RFX7: variants seen among roughly 807,000 people sequenced by gnomAD.
RFX7 encodes the protein regulatory factor X7.
A neutral mutation model predicts 111.8 loss-of-function variants in RFX7; 26 were observed. The ratio of observed to expected loss-of-function variants is 0.23; its 90% CI spans 0.17 to 0.32. RFX7 has a LOEUF of 0.32. RFX7 is among the 10% of genes least tolerant of loss of function. The pLI is 1.00. For missense variants in RFX7, 1,573 were observed against 1,772.9 expected (o/e 0.89, Z 2.02); for synonymous variants, 624 against 624.4 (o/e 1.00, Z 0.01).
At chr15:56,240,004 TTTGAA>T (rs1270733023) in intron 2 of RFX7, among the ~76,000 whole-genome samples, 16 of 145,854 alleles carry the variant, frequency 1.1e-4, no homozygotes, top group Non-Finnish European at 2.4e-4. Context: ...TTTTTTTTTT[TTTGAA>T]GTAACCAAAG....
intron 5 of RFX7, among the ~76,000 whole-genome samples, chr15:56,132,014 G>C (rs2042224870): frequency 6.6e-6 from 1 of 151,736 alleles, no homozygotes; most frequent in South Asian, 2.1e-4. Flanking sequence ...TTCACAATAT[G>C]AATAGAAATT....
chr15:56,130,107 G>C (rs1193113445), intron 5 of RFX7, among the ~76,000 whole-genome samples: 2 of 152,144 alleles, frequency 1.3e-5, no homozygotes, highest in African/African-American at 4.8e-5. Context: ...GTAAGGAACT[G>C]TGATAAAGAA....
At chr15:56,135,059 A>G (rs1180114660) in intron 5 of RFX7, among the ~76,000 whole-genome samples, 5 of 152,216 alleles carry the variant, frequency 3.3e-5, no homozygotes, top group African/African-American at 9.6e-5. Flanking sequence ...ATTGTGAATA[A>G]TGCTGCAATA....
At chr15:56,100,256 A>T (rs1448815231) in intron 8 of RFX7, among the ~76,000 whole-genome samples, 1 of 152,230 alleles carries the variant, frequency 6.6e-6, no homozygotes, top group African/African-American at 2.4e-5. Flanking sequence ...ATGAGGTAAC[A>T]TAAGTGAGCT....
At chr15:56,099,151 G>A (rs2041720148) in intron 8 of RFX7, among the ~76,000 whole-genome samples, 2 of 152,076 alleles carry the variant, frequency 1.3e-5, no homozygotes, top group Non-Finnish European at 2.9e-5. Flanking sequence ...TTAGGGCGTG[G>A]CATTGAGATC....
chr15:56,208,701 T>C (rs1454714762), intron 2 of RFX7, among the ~76,000 whole-genome samples: 1 of 151,926 alleles, frequency 6.6e-6, no homozygotes, highest in African/African-American at 2.4e-5. Flanking sequence ...TATAAATAAA[T>C]AGAAATTATA....
rs545259324 is a variant in RFX7, at chr15:56,155,070, A to G, written c.196-10587T>C. Among the ~76,000 whole-genome samples the G allele has an allele frequency of 7.0e-4, 107 of 152,338 alleles. No individual in the cohort carries two copies. The Middle Eastern group carries it at 0.01, about 15-fold the overall frequency. ...CTAGAGAAATGAAAATGGGAACCAC[A>G]ATAAGATACCATCTCACGGCAGTTA... On this transcript the variant is annotated intron_variant, in intron 3 of 9. Transcript: ENST00000559447.
At chr15:56,179,761 AACACACACACACACACACACAC>A (rs58597217) in intron 2 of RFX7, among the ~76,000 whole-genome samples, 122 of 137,406 alleles carry the variant, frequency 8.9e-4, no homozygotes, top group Admixed American at 2.6e-3. Context: ...TCTCTGTCTC[AACACACACACACACACACACAC>A]ACACACACAC....
At chr15:56,145,429 G>A (rs2042455320) in intron 3 of RFX7, among the ~76,000 whole-genome samples, 1 of 152,178 alleles carries the variant, frequency 6.6e-6, no homozygotes, top group Non-Finnish European at 1.5e-5. Flanking sequence ...AGTCTTATCA[G>A]AAGATATCCA....
chr15:56,149,783 C>G (rs560938507), intron 3 of RFX7, among the ~76,000 whole-genome samples: 9 of 152,168 alleles, frequency 5.9e-5, no homozygotes, highest in Non-Finnish European at 1.0e-4. Context: ...TGGGCAGACA[C>G]CGAACTAGAT....
intron 2 of RFX7, among the ~76,000 whole-genome samples, chr15:56,194,608 T>A (rs2043130088): frequency 6.6e-6 from 1 of 152,080 alleles, no homozygotes; most frequent in Non-Finnish European, 1.5e-5. Flanking sequence ...GCTCATATGC[T>A]ATAAAACAAA....
intron 5 of RFX7, among the ~76,000 whole-genome samples, chr15:56,124,033 G>T (rs2042110615): frequency 6.6e-6 from 1 of 152,104 alleles, no homozygotes. Context: ...TTACATTTTT[G>T]TGTGTGTGTA....
intron 8 of RFX7, among the ~76,000 whole-genome samples, chr15:56,099,741 T>C (rs1479530322): frequency 2.6e-5 from 4 of 152,336 alleles, no homozygotes; most frequent in African/African-American, 7.2e-5. Context: ...ATTCTAAAAA[T>C]GTTTTGAGTA....
At position 56,087,707 on chromosome 15, in the gene RFX7, G is replaced by A; in HGVS notation, c.*5638C>T. On this transcript the variant is annotated 3_prime_UTR_variant, in exon 10 of 10. Transcript: ENST00000559447. ...CTGGTAAGTATCCGCCTCTGCTATA[G>A]TGACCTCATTGCATCCTGCAAAGAC... The A allele has an allele frequency of 2.7e-6, 1 of 364,446 alleles. No homozygotes were observed. Among genetic ancestry groups the A allele is most frequent in the South Asian group, 2.1e-5 (1 of 48,506 alleles). The allele number at this position is 364,446 out of a possible 1,614,324, so 22.6% of individuals were successfully genotyped here.
intron 2 of RFX7, among the ~76,000 whole-genome samples, chr15:56,198,213 G>T (rs1204083297): frequency 6.6e-6 from 1 of 152,052 alleles, no homozygotes; most frequent in Non-Finnish European, 1.5e-5. Context: ...CAACAGGTGG[G>T]TAATAGCCTC....
chr15:56,242,114 A>G (rs1185250180), intron 2 of RFX7, among the ~76,000 whole-genome samples: 1 of 152,244 alleles, frequency 6.6e-6, no homozygotes, highest in Non-Finnish European at 1.5e-5. Flanking sequence ...ATGGCCCTGC[A>G]AAGATTTCAT....
chr15:56,137,943 C>A (rs1209273827), intron 5 of RFX7, among the ~76,000 whole-genome samples: 2 of 151,926 alleles, frequency 1.3e-5, no homozygotes, highest in East Asian at 3.9e-4. Context: ...GATTCTTAAC[C>A]CTGAGTTCTA....
Position 56,192,724 on chromosome 15 carries a change from T to C in RFX7, c.162-13421A>G, listed in dbSNP as rs2043111960. On this transcript the variant is annotated intron_variant, in intron 2 of 9. Coordinates refer to ENST00000559447, the MANE Select transcript of RFX7 (RefSeq NM_022841.7). ...ACCAAAGATTCAAATGTCTTTCGGG[T>C]GGTCACTGGTGTTTTAAAGACCTCT... 1.8e-5 allele frequency: 4 copies of C among 220,902 alleles called. No individual in the cohort carries two copies. In the Middle Eastern group the frequency reaches 2.0e-3, roughly 111 times the overall value. The allele number at this position is 220,902 out of a possible 1,614,324, so 13.7% of individuals were successfully genotyped here. A position where few individuals can be genotyped will look rare whatever the true frequency, so the allele number is the denominator to read the frequency against.
rs1347909254 is a variant in RFX7 at position 56,089,314 on chromosome 15, A to G, written c.*4031T>C. On this transcript the variant is annotated 3_prime_UTR_variant, in exon 10 of 10. Coordinates refer to ENST00000559447, the MANE Select transcript of RFX7 (RefSeq NM_022841.7). Reference sequence around the variant, plus strand: ...GTATAACATCTGAGCTGTGGCAGCCATCTTGTGACTATGAGGTAATAGACA... The same window carrying G: ...GTATAACATCTGAGCTGTGGCAGCCGTCTTGTGACTATGAGGTAATAGACA... 1.3e-5 allele frequency: 2 copies of G among 152,590 alleles called. No homozygotes were observed. The highest frequency in any genetic ancestry group is 1.3e-4 in the Admixed American group (2 of 15,254). The allele number at this position is 152,590 out of a possible 1,614,324, so 9.5% of individuals were successfully genotyped here. A position where few individuals can be genotyped will look rare whatever the true frequency, so the allele number is the denominator to read the frequency against.
Sources: allele counts gnomAD v4.1 joint callset (sites outside exome capture counted in the v4.1 genomes callset), GRCh38; gene constraint gnomAD v4.1.1; transcripts MANE v1.5; gene names NCBI Gene and HGNC (gene_info 2026-07-23, HGNC 2026-07-21).